The following INPP4B variants were observed in gnomAD, a reference collection of about 807,000 sequenced individuals.
INPP4B encodes inositol polyphosphate-4-phosphatase type II B.
INPP4B carries 55 observed loss-of-function variants against 122.5 expected under a neutral mutation model. The observed-to-expected ratio is 0.45, with a 90% CI of 0.36 to 0.56. The LOEUF is 0.56. INPP4B is among the 20% of genes least tolerant of loss of function. INPP4B has a pLI of 0.00. For missense variants in INPP4B, 1,000 were observed against 1,097.7 expected, an observed-to-expected ratio of 0.91 and a Z score of 1.26; for synonymous variants, 403 against 388.7, an observed-to-expected ratio of 1.04 and a Z score of -0.43.
At chr4:142,421,489 A>T (rs1806885608) in intron 5 of INPP4B, among the ~76,000 whole-genome samples, 1 of 152,136 alleles carries the variant, frequency 6.6e-6, no homozygotes, top group African/African-American at 2.4e-5. Context: ...GTGGCAATAA[A>T]GATGTTTAAA....
chr4:142,563,987 T>C (rs1731030081), intron 2 of INPP4B, among the ~76,000 whole-genome samples: 1 of 152,126 alleles, frequency 6.6e-6, no homozygotes, highest in Non-Finnish European at 1.5e-5. Context: ...AAACCAAATT[T>C]CCAACCCACG....
chr4:142,116,372 C>A (rs1793429921), intron 21 of INPP4B, among the ~76,000 whole-genome samples: 4 of 152,140 alleles, frequency 2.6e-5, no homozygotes, highest in Admixed American at 2.6e-4. Flanking sequence ...CTTCTCAGCA[C>A]CACATCACAC....
intron 1 of INPP4B, among the ~76,000 whole-genome samples, chr4:142,753,418 G>C (rs1770019970): frequency 6.6e-6 from 1 of 152,020 alleles, no homozygotes; most frequent in South Asian, 2.1e-4. Context: ...ACTTTATAGT[G>C]AAGCCAAAAT....
intron 2 of INPP4B, among the ~76,000 whole-genome samples, chr4:142,646,816 C>A (rs534762303): frequency 9.2e-5 from 14 of 152,276 alleles, no homozygotes; most frequent in Admixed American, 7.2e-4. Context: ...GGAAGGCCCT[C>A]TCTAAGGAGC....
At chr4:142,254,443 T>C (rs1734492993) in intron 11 of INPP4B, among the ~76,000 whole-genome samples, 2 of 151,160 alleles carry the variant, frequency 1.3e-5, no homozygotes, top group African/African-American at 4.9e-5. Context: ...GGCAAAGAAG[T>C]TGAAAACTTT....
intron 1 of INPP4B, among the ~76,000 whole-genome samples, chr4:142,801,063 A>G (rs1198271989): frequency 2.0e-5 from 3 of 152,128 alleles, no homozygotes; most frequent in Non-Finnish European, 2.9e-5. Context: ...GACAGATCAA[A>G]GGGCCTTACA....
intron 1 of INPP4B, among the ~76,000 whole-genome samples, chr4:142,738,869 T>C (rs1429229013): frequency 6.6e-6 from 1 of 152,142 alleles, no homozygotes; most frequent in Non-Finnish European, 1.5e-5. Context: ...CTATCTGCTG[T>C]ATTCACAATG....
chr4:142,442,572 C>T (rs1045500059), intron 3 of INPP4B, among the ~76,000 whole-genome samples: 2 of 152,058 alleles, frequency 1.3e-5, no homozygotes, highest in Non-Finnish European at 2.9e-5. Context: ...GTACCAGTTT[C>T]CATTTAGGAT....
intron 11 of INPP4B, among the ~76,000 whole-genome samples, chr4:142,253,384 C>A (rs1380377749): frequency 2.6e-5 from 4 of 152,240 alleles, no homozygotes; most frequent in Non-Finnish European, 5.9e-5. Flanking sequence ...CTCCGGTCTA[C>A]AGCTCCCAGT....
intron 2 of INPP4B, among the ~76,000 whole-genome samples, chr4:142,551,522 A>G (rs1727974357): frequency 6.6e-6 from 1 of 152,170 alleles, no homozygotes; most frequent in African/African-American, 2.4e-5. Flanking sequence ...TTTTACTATT[A>G]AACTGTTTAA....
intron 13 of INPP4B, 46 bp downstream of exon 13, chr4:142,208,850 A>G: frequency 5.8e-6 from 8 of 1,370,656 alleles, no homozygotes; most frequent in Non-Finnish European, 7.8e-6. Context: ...TTTCACATGC[A>G]GGAAATGCAA....
intron 2 of INPP4B, among the ~76,000 whole-genome samples, chr4:142,527,066 T>A (rs1827012365): frequency 6.6e-6 from 1 of 152,016 alleles, no homozygotes; most frequent in Non-Finnish European, 1.5e-5. Context: ...AACTGCCTAT[T>A]AATTTTGTAA....
intron 1 of INPP4B, among the ~76,000 whole-genome samples, chr4:142,834,452 C>T (rs1782539386): frequency 6.6e-6 from 1 of 152,112 alleles, no homozygotes; most frequent in Admixed American, 6.6e-5. Flanking sequence ...TGCTTGGGTA[C>T]CTCCTGGTGC....
At chr4:142,829,429 C>T (rs567793679) in intron 1 of INPP4B, among the ~76,000 whole-genome samples, 1 of 152,156 alleles carries the variant, frequency 6.6e-6, no homozygotes, top group Non-Finnish European at 1.5e-5. Flanking sequence ...TGCCTTTTGA[C>T]AGAAGTCATT....
intron 2 of INPP4B, among the ~76,000 whole-genome samples, chr4:142,644,296 AGAG>A (rs974905010): frequency 6.0e-5 from 9 of 150,272 alleles, no homozygotes; most frequent in Admixed American, 4.7e-4. Context: ...AGGAGAAGGA[AGAG>A]GAGGAGAAGG....
At chr4:142,550,802 G>C (rs1420780335) in intron 2 of INPP4B, among the ~76,000 whole-genome samples, 1 of 152,026 alleles carries the variant, frequency 6.6e-6, no homozygotes, top group East Asian at 1.9e-4. Flanking sequence ...GTTAGGGAGA[G>C]AGATATGCAA....
chr4:142,358,250 T>C (rs984020206), intron 7 of INPP4B, among the ~76,000 whole-genome samples: 1 of 151,996 alleles, frequency 6.6e-6, no homozygotes, highest in African/African-American at 2.4e-5. Context: ...TGAGGAATTT[T>C]TTAAAAATAC....
intron 11 of INPP4B, among the ~76,000 whole-genome samples, chr4:142,240,116 C>T (rs1444555966): frequency 4.7e-5 from 7 of 149,492 alleles, no homozygotes; most frequent in African/African-American, 9.9e-5. Flanking sequence ...TCACCAAGGC[C>T]GGAGCTTAAT....
At chr4:142,380,386 C>T (rs1450252093) in intron 7 of INPP4B, among the ~76,000 whole-genome samples, 1 of 152,144 alleles carries the variant, frequency 6.6e-6, no homozygotes, top group African/African-American at 2.4e-5. Flanking sequence ...GAGCAGGCCC[C>T]TCACTTATCC....
Sources: gnomAD v4.1 joint callset for allele counts (sites outside exome capture counted in the v4.1 genomes callset) on GRCh38, gnomAD v4.1.1 for gene constraint, MANE v1.5 for transcripts, NCBI Gene and HGNC (gene_info 2026-07-23, HGNC 2026-07-21) for gene names.